FNBP1L: variants seen among roughly 807,000 people sequenced by gnomAD.
FNBP1L encodes the protein formin binding protein 1 like, also known as formin-binding protein 1-like.
FNBP1L carries 36 observed loss-of-function variants against 91.2 expected under a neutral mutation model. That is an observed-to-expected ratio of 0.39 (90% confidence interval 0.30 to 0.52). The LOEUF is 0.52. Among genes scored for constraint, FNBP1L ranks in the 20% least tolerant of loss-of-function variants. FNBP1L has a pLI of 0.66. For synonymous variants in FNBP1L, 242 were observed against 237.0 expected (o/e 1.02, Z -0.19); for missense variants, 571 against 732.1 (o/e 0.78, Z 2.54).
intron 1 of FNBP1L, among the ~76,000 whole-genome samples, chr1:93,455,987 C>A (rs1294896008): frequency 6.6e-6 from 1 of 152,172 alleles, no homozygotes; most frequent in Admixed American, 6.5e-5. Flanking sequence ...ATGTTATCTA[C>A]CTGGGCATGG....
chr1:93,546,791 T>C, intron 12 of FNBP1L, 51 bp from the exon 13 acceptor site: 1 of 1,594,108 alleles, frequency 6.3e-7, no homozygotes, highest in South Asian at 1.1e-5. Context: ...CTCTTTTATC[T>C]GGAAGCATAT....
chr1:93,469,819 T>TA (rs1002537836), intron 1 of FNBP1L, among the ~76,000 whole-genome samples: 1 of 151,814 alleles, frequency 6.6e-6, no homozygotes, highest in Non-Finnish European at 1.5e-5. Context: ...AAAATAAAAA[T>TA]AAAAAAATTA....
chr1:93,535,256 A>G (rs1484451291), intron 9 of FNBP1L, among the ~76,000 whole-genome samples: 1 of 152,164 alleles, frequency 6.6e-6, no homozygotes, highest in African/African-American at 2.4e-5. Flanking sequence ...AATGGAATGA[A>G]TGACCACAGC....
chr1:93,509,418 G>T (rs1194405777), intron 2 of FNBP1L, among the ~76,000 whole-genome samples: 1 of 152,156 alleles, frequency 6.6e-6, no homozygotes, highest in Non-Finnish European at 1.5e-5. Context: ...TGGCCACGTC[G>T]TTCTACCAAA....
At chr1:93,449,465 T>G (rs1259118569) in intron 1 of FNBP1L, among the ~76,000 whole-genome samples, 1 of 152,214 alleles carries the variant, frequency 6.6e-6, no homozygotes, top group African/African-American at 2.4e-5. Context: ...TGAGTATGTG[T>G]GTGCCCAGCT....
At position 93,485,576 on chromosome 1, in the gene FNBP1L, C is replaced by G. The variant is rs551831124; in HGVS notation, c.25-13892C>G. Among the ~76,000 whole-genome samples, 11 of 152,292 alleles carry G rather than the reference C, an allele frequency of 7.2e-5. No homozygotes were observed. In the East Asian group the frequency reaches 1.9e-3, roughly 27 times the overall value. On this transcript the variant is annotated intron_variant, in intron 1 of 16. Coordinates refer to ENST00000271234, the MANE Select transcript of FNBP1L (RefSeq NM_001164473.3). ...GACAAGTGATTATTTGATAACTCTC[C>G]TTTCCACTAAGTATATTTTTACTCA... is the stretch of plus-strand genomic sequence containing the variant.
chr1:93,499,984 G>C (rs1178444507), intron 2 of FNBP1L, among the ~76,000 whole-genome samples: 3 of 152,150 alleles, frequency 2.0e-5, no homozygotes, highest in African/African-American at 7.2e-5. Context: ...AATAGAGTGT[G>C]TGCTGAGCTG....
At chr1:93,505,314 G>T (rs1461523103) in intron 2 of FNBP1L, among the ~76,000 whole-genome samples, 1 of 152,132 alleles carries the variant, frequency 6.6e-6, no homozygotes, top group East Asian at 1.9e-4. Context: ...GGGTACACTC[G>T]TGCCACAAGA....
intron 1 of FNBP1L, among the ~76,000 whole-genome samples, chr1:93,474,450 GAGATA>G (rs1289787396): frequency 2.0e-5 from 3 of 152,148 alleles, no homozygotes; most frequent in African/African-American, 7.2e-5. Flanking sequence ...GATAAGTATT[GAGATA>G]AGATAAGCAG....
At chr1:93,509,077 CTTAA>C (rs1670728619) in intron 2 of FNBP1L, among the ~76,000 whole-genome samples, 1 of 152,104 alleles carries the variant, frequency 6.6e-6, no homozygotes. Flanking sequence ...ACTCCTGGAC[CTTAA>C]TATGTGGTCA....
In FNBP1L at chr1:93,534,758, C is replaced by T; in HGVS notation, c.840C>T (p.Asp280=). The change falls in exon 9 of 17, where the codon GAC becomes GAT. Residue 280 remains aspartate (D), a synonymous_variant. Transcript: ENST00000271234. ...AATCTGGTTTTGAACCTCCAGGAGACTTTCCATTTGAAGATTACAGTCAAC... is the reference window on the plus strand; with the variant it reads ...AATCTGGTTTTGAACCTCCAGGAGATTTTCCATTTGAAGATTACAGTCAAC... ...SFKSGFEPPG[D]FPFEDYSQHI... is the part of the protein sequence containing the mutation. 1 of 1,572,728 alleles carries T rather than the reference C, an allele frequency of 6.4e-7. No homozygotes were observed. Among genetic ancestry groups the T allele is most frequent in the Non-Finnish European group, 8.6e-7 (1 of 1,156,678 alleles).
At chr1:93,502,017 A>C (rs573337411) in intron 2 of FNBP1L, among the ~76,000 whole-genome samples, 1 of 152,302 alleles carries the variant, frequency 6.6e-6, no homozygotes. Context: ...GTGGTAGATA[A>C]AGTTTTAAAA....
intron 2 of FNBP1L, among the ~76,000 whole-genome samples, chr1:93,503,244 G>A (rs1303651456): frequency 6.6e-6 from 1 of 152,096 alleles, no homozygotes; most frequent in East Asian, 1.9e-4. Flanking sequence ...AGTGCCAAGC[G>A]AAGGGGGAAT....
chr1:93,448,153 GT>G lies in FNBP1L; in HGVS notation c.-128del, dbSNP rs1668330869. On this transcript the variant is annotated 5_prime_UTR_variant, in exon 1 of 17. Coordinates refer to ENST00000271234, the MANE Select transcript of FNBP1L (RefSeq NM_001164473.3). ...TTCTCACTCACTGGGGAGCCCGGCG[GT>G]GGCGGCACCTTTCGAGGTAGACCCG... 1 of 1,210,550 alleles carries G rather than the reference GT, an allele frequency of 8.3e-7. No individual in the cohort carries two copies. Among genetic ancestry groups the G allele is most frequent in the Non-Finnish European group, 1.1e-6 (1 of 877,102 alleles). The allele number at this position is 1,210,550 out of a possible 1,614,324, so 75.0% of individuals were successfully genotyped here.
Position 93,514,022 on chromosome 1 carries a change from C to T in FNBP1L, c.141-8060C>T, listed in dbSNP as rs568285116. ...ACATGATTGTATATCTAGAAAACCC[C>T]ACTGTCTCAGCCCAAAATCTCCTTA... On this transcript the variant is annotated intron_variant, in intron 2 of 16. Coordinates refer to ENST00000271234, the MANE Select transcript of FNBP1L (RefSeq NM_001164473.3). Among the ~76,000 whole-genome samples the T allele has an allele frequency of 4.2e-4, 64 of 152,156 alleles. 1 individual carries two copies. The highest frequency in any genetic ancestry group is 1.4e-3 in the Admixed American group (21 of 15,286).
intron 1 of FNBP1L, among the ~76,000 whole-genome samples, chr1:93,468,198 T>C (rs1377964418): frequency 6.6e-6 from 1 of 152,236 alleles, no homozygotes; most frequent in Non-Finnish European, 1.5e-5. Context: ...AATGGAATTA[T>C]AGCATATGTG....
At chr1:93,451,572 A>T (rs372953924) in intron 1 of FNBP1L, among the ~76,000 whole-genome samples, 2 of 152,274 alleles carry the variant, frequency 1.3e-5, no homozygotes, top group South Asian at 2.1e-4. Context: ...TTTATGCCTT[A>T]ATTTCTTGGT....
chr1:93,543,414 G>A (rs1672115320), intron 11 of FNBP1L, among the ~76,000 whole-genome samples: 1 of 152,040 alleles, frequency 6.6e-6, no homozygotes, highest in South Asian at 2.1e-4. Flanking sequence ...CCTTCTTTCA[G>A]TAACAACTGA....
chr1:93,503,497 G>C (rs936997423), intron 2 of FNBP1L, among the ~76,000 whole-genome samples: 3 of 152,124 alleles, frequency 2.0e-5, no homozygotes, highest in Admixed American at 2.0e-4. Flanking sequence ...TTAATCTTTG[G>C]TAATTCCAGA....
Sources: gnomAD v4.1 joint callset for allele counts (sites outside exome capture counted in the v4.1 genomes callset) on GRCh38, gnomAD v4.1.1 for gene constraint, MANE v1.5 for transcripts, NCBI Gene and HGNC (gene_info 2026-07-23, HGNC 2026-07-21) for gene names.